Variants in ADGRL3 observed in about 807,000 individuals in gnomAD.
The protein encoded by ADGRL3 is adhesion G protein-coupled receptor L3.
A neutral mutation model predicts 153.5 loss-of-function variants in ADGRL3; 62 were observed. The ratio of observed to expected loss-of-function variants is 0.40; its 90% CI spans 0.33 to 0.50. The LOEUF is 0.50. Among genes scored for constraint, ADGRL3 ranks in the 20% least tolerant of loss-of-function variants. The pLI is 0.47. For synonymous variants in ADGRL3, 710 were observed against 672.5 expected (o/e 1.06, Z -0.86); for missense variants, 1,641 against 1,859.4 (o/e 0.88, Z 2.16).
chr4:61,445,182 T>C (rs1245300967), intron 2 of ADGRL3, among the ~76,000 whole-genome samples: 2 of 152,222 alleles, frequency 1.3e-5, no homozygotes, highest in Non-Finnish European at 2.9e-5. Context: ...GAGATTGGTT[T>C]TCTTATCTTC....
chr4:61,704,774 T>TTCC (rs1392440836), intron 6 of ADGRL3, among the ~76,000 whole-genome samples: 1 of 152,196 alleles, frequency 6.6e-6, no homozygotes. Context: ...GTAATATTCT[T>TTCC]TATTGTCATT....
At chr4:61,319,533 G>A (rs1328310445) in intron 1 of ADGRL3, among the ~76,000 whole-genome samples, 1 of 152,146 alleles carries the variant, frequency 6.6e-6, no homozygotes, top group Non-Finnish European at 1.5e-5. Context: ...ATGTGTTGCA[G>A]TTGATGAGCA....
intron 5 of ADGRL3, among the ~76,000 whole-genome samples, chr4:61,636,199 A>G (rs756632018): frequency 6.6e-6 from 1 of 152,090 alleles, no homozygotes; most frequent in Non-Finnish European, 1.5e-5. Flanking sequence ...CTCAGTCCTT[A>G]TTTTTTATAC....
At chr4:61,543,018 ATTGAG>A (rs1435131668) in intron 4 of ADGRL3, among the ~76,000 whole-genome samples, 1 of 152,134 alleles carries the variant, frequency 6.6e-6, no homozygotes, top group East Asian at 1.9e-4. Context: ...GACTCACAGA[ATTGAG>A]TTGATTTTAT....
chr4:61,392,026 AT>A (rs373905840), intron 2 of ADGRL3, among the ~76,000 whole-genome samples: 81,632 of 135,570 alleles, frequency 0.6, 24,468 homozygotes, highest in East Asian at 0.74. Flanking sequence ...CGACCGGCTA[AT>A]TTTTTTTTTT....
At chr4:61,820,126 A>G (rs189761037) in intron 9 of ADGRL3, among the ~76,000 whole-genome samples, 3 of 152,238 alleles carry the variant, frequency 2.0e-5, no homozygotes, top group Admixed American at 2.0e-4. Context: ...ATTATGTTCA[A>G]CCTGCTCTTA....
chr4:61,651,628 A>C (rs968310203), intron 5 of ADGRL3, among the ~76,000 whole-genome samples: 2 of 150,738 alleles, frequency 1.3e-5, no homozygotes, highest in African/African-American at 2.5e-5. Context: ...TTTTTTTTTG[A>C]GACGGAGTTT....
chr4:62,003,652 C>T (rs777543918), intron 21 of ADGRL3, among the ~76,000 whole-genome samples: 2 of 152,072 alleles, frequency 1.3e-5, no homozygotes, highest in Non-Finnish European at 2.9e-5. Flanking sequence ...ATGGAAATGC[C>T]CTGCTGCCTT....
intron 23 of ADGRL3, among the ~76,000 whole-genome samples, chr4:62,031,834 T>C (rs1268239075): frequency 6.6e-6 from 1 of 151,538 alleles, no homozygotes; most frequent in Non-Finnish European, 1.5e-5. Flanking sequence ...ATTTAAACAG[T>C]GAACAAAAAT....
chr4:61,793,992 C>G (rs961733280), intron 8 of ADGRL3, among the ~76,000 whole-genome samples: 4 of 152,032 alleles, frequency 2.6e-5, no homozygotes, highest in Non-Finnish European at 4.4e-5. Context: ...GAATAAATCT[C>G]TAATACATAA....
intron 8 of ADGRL3, among the ~76,000 whole-genome samples, chr4:61,736,597 G>C (rs2151863574): frequency 6.6e-6 from 1 of 152,308 alleles, no homozygotes; most frequent in East Asian, 1.9e-4. Context: ...GGCGGAGGTT[G>C]CAGCGAGCTG....
At chr4:61,480,257 C>G (rs1343382558) in intron 2 of ADGRL3, among the ~76,000 whole-genome samples, 1 of 152,100 alleles carries the variant, frequency 6.6e-6, no homozygotes, top group Admixed American at 6.6e-5. Context: ...ATTTTACATT[C>G]CAAATATAAG....
At chr4:61,383,264 ATTATT>A (rs2096693569) in intron 2 of ADGRL3, 75 bp downstream of exon 2, 1 of 151,754 alleles carries the variant, frequency 6.6e-6, no homozygotes, top group Non-Finnish European at 1.5e-5. Context: ...AAGTTAATAT[ATTATT>A]TTGAGTCTTT....
At chr4:61,278,606 T>A (rs2093589072) in intron 1 of ADGRL3, among the ~76,000 whole-genome samples, 1 of 152,062 alleles carries the variant, frequency 6.6e-6, no homozygotes, top group Non-Finnish European at 1.5e-5. Context: ...CGGGTTCAAG[T>A]GATTCTCCTA....
intron 1 of ADGRL3, among the ~76,000 whole-genome samples, chr4:61,255,345 C>G (rs1229443532): frequency 2.0e-5 from 3 of 152,164 alleles, no homozygotes; most frequent in African/African-American, 7.2e-5. Context: ...TTTTGAGATT[C>G]TTCTTAGTAA....
intron 5 of ADGRL3, among the ~76,000 whole-genome samples, chr4:61,675,407 C>A (rs1247702089): frequency 6.6e-6 from 1 of 151,772 alleles, no homozygotes; most frequent in Non-Finnish European, 1.5e-5. Flanking sequence ...GTAGGAAAAA[C>A]CATTAGCTTT....
In ADGRL3 at chr4:61,600,863, G is replaced by A. The variant is rs929497190; in HGVS notation, c.473+13423G>A. 2.6e-5 allele frequency among the ~76,000 whole-genome samples: 4 copies of A among 152,212 alleles called. No homozygotes were observed. In the East Asian group the frequency reaches 5.8e-4, roughly 22 times the overall value. ...AAAAACATGGTATATTTACATTTGT[G>A]AATGTTTTACTTGCCCATTGATATT... On this transcript the variant is annotated intron_variant, in intron 5 of 26. Transcript: ENST00000683033.
chr4:61,985,576 C>A (rs1398791052), intron 19 of ADGRL3, among the ~76,000 whole-genome samples: 1 of 152,096 alleles, frequency 6.6e-6, no homozygotes, highest in South Asian at 2.1e-4. Context: ...CACCGGCAAT[C>A]AGCAGTCTGA....
chr4:61,699,965 C>A (rs28577129), intron 6 of ADGRL3, among the ~76,000 whole-genome samples: 50,787 of 147,492 alleles, frequency 0.34, 9,093 homozygotes, highest in East Asian at 0.55. Context: ...CACACACACA[C>A]ACAAAAACAC....
Sources: gnomAD v4.1 joint callset for allele counts (sites outside exome capture counted in the v4.1 genomes callset) on GRCh38, gnomAD v4.1.1 for gene constraint, MANE v1.5 for transcripts, NCBI Gene and HGNC (gene_info 2026-07-23, HGNC 2026-07-21) for gene names.